The following TTC29 variants were observed in gnomAD, a reference collection of about 807,000 sequenced individuals.
The protein encoded by TTC29 is tetratricopeptide repeat domain 29.
A neutral mutation model predicts 58.1 loss-of-function variants in TTC29; 49 were observed. The observed-to-expected ratio is 0.84, with a 90% confidence interval of 0.67 to 1.07. The LOEUF is 1.07. Ranked by LOEUF, TTC29 falls within the 50% of genes least tolerant of loss-of-function variation. The probability of loss-of-function intolerance (pLI) is 0.00; values close to 1 mark genes in which losing one functional copy is unlikely to be tolerated. For synonymous variants in TTC29, 209 were observed against 196.8 expected (o/e 1.06, Z -0.52); for missense variants, 582 against 555.6 (o/e 1.05, Z -0.48).
At position 146,904,546 on chromosome 4, in the gene TTC29, A is replaced by G. The variant is rs370825311; in HGVS notation, c.401-817T>C. On this transcript the variant is annotated intron_variant, in intron 5 of 12. Transcript: ENST00000325106. ...CCTGAACGAATATGTCTGTGTGTTA[A>G]TAAGTTGTGCCTCAGTCCTGTAAAC... Among the ~76,000 whole-genome samples, 9 of 152,302 alleles carry G rather than the reference A, an allele frequency of 5.9e-5. No individual in the cohort carries two copies. The South Asian group carries it at 8.3e-4, about 14-fold the overall frequency.
intron 8 of TTC29, among the ~76,000 whole-genome samples, chr4:146,863,071 G>C (rs1269450438): frequency 6.7e-6 from 1 of 149,830 alleles, no homozygotes; most frequent in Non-Finnish European, 1.5e-5. Context: ...GCAGGGAACC[G>C]AGATCGTGCC....
At chr4:146,878,173 C>A (rs930811075) in intron 6 of TTC29, among the ~76,000 whole-genome samples, 2 of 152,146 alleles carry the variant, frequency 1.3e-5, no homozygotes, top group African/African-American at 4.8e-5. Flanking sequence ...CAGAAGGCAA[C>A]CTTGGGATGG....
chr4:146,813,871 C>G (rs576883284), intron 10 of TTC29, among the ~76,000 whole-genome samples: 13 of 152,164 alleles, frequency 8.5e-5, no homozygotes, highest in African/African-American at 3.1e-4. Context: ...GTAATCCCAG[C>G]TACTTGGGAG....
At chr4:146,898,544 C>G (rs1355449002) in intron 6 of TTC29, among the ~76,000 whole-genome samples, 1 of 152,194 alleles carries the variant, frequency 6.6e-6, no homozygotes, top group Non-Finnish European at 1.5e-5. Flanking sequence ...TACTCCAACT[C>G]TGTAATAAAG....
At chr4:146,892,286 C>G (rs2150250169) in intron 6 of TTC29, among the ~76,000 whole-genome samples, 1 of 152,270 alleles carries the variant, frequency 6.6e-6, no homozygotes, top group East Asian at 1.9e-4. Context: ...GAGGCCACCA[C>G]AGCCATGCAT....
chr4:146,878,557 T>A (rs1731424479), intron 6 of TTC29, among the ~76,000 whole-genome samples: 1 of 152,152 alleles, frequency 6.6e-6, no homozygotes, highest in Non-Finnish European at 1.5e-5. Context: ...ATGATTAGGA[T>A]TTAAACCCAA....
chr4:146,764,577 A>G (rs776750611), intron 11 of TTC29, among the ~76,000 whole-genome samples: 13 of 152,150 alleles, frequency 8.5e-5, no homozygotes, highest in Non-Finnish European at 1.8e-4. Context: ...GAATCAGTTT[A>G]GGAGCGTACC....
chr4:146,835,778 ACAAT>A (rs1227769337), intron 8 of TTC29, among the ~76,000 whole-genome samples: 1 of 152,142 alleles, frequency 6.6e-6, no homozygotes. Context: ...GCACATGGCA[ACAAT>A]CAGAGGTGCC....
intron 2 of TTC29, chr4:146,942,846 G>A (rs1233647173): frequency 1.6e-5 from 7 of 427,844 alleles, no homozygotes; most frequent in African/African-American, 5.9e-5. Context: ...ATAATTGCAG[G>A]GGTCTTTGAA....
rs924009496 is a variant in TTC29, at chr4:146,818,942, G to C, written c.1101+1183C>G. The stretch of plus-strand genomic sequence containing the variant: ...CACTCTGGGGACTGTTGTGGGGTGG[G>C]GGATGGGGGAGGGATAGCATTAGGA... On this transcript the variant is annotated intron_variant, in intron 10 of 12. Coordinates refer to ENST00000325106, the MANE Select transcript of TTC29 (RefSeq NM_031956.4). Among the ~76,000 whole-genome samples, 4 of 152,018 alleles carry C rather than the reference G, an allele frequency of 2.6e-5. No individual in the cohort carries two copies. The East Asian group carries it at 7.8e-4, about 29-fold the overall frequency.
chr4:146,753,337 C>A (rs1009028831), intron 11 of TTC29, among the ~76,000 whole-genome samples: 8 of 152,144 alleles, frequency 5.3e-5, no homozygotes, highest in African/African-American at 1.9e-4. Flanking sequence ...AAATGCAAAT[C>A]AAAACCACAA....
At chr4:146,714,105 T>C (rs1742745607) in intron 11 of TTC29, among the ~76,000 whole-genome samples, 3 of 152,170 alleles carry the variant, frequency 2.0e-5, no homozygotes. Context: ...GAAACAATGA[T>C]TTTGAAGACA....
chr4:146,912,804 G>A (rs1411700703), intron 4 of TTC29, among the ~76,000 whole-genome samples: 2 of 152,056 alleles, frequency 1.3e-5, no homozygotes, highest in Non-Finnish European at 2.9e-5. Flanking sequence ...GGTGGAACCA[G>A]GGTAAAGCTG....
At chr4:146,709,798 TA>T (rs1742349362) in intron 11 of TTC29, among the ~76,000 whole-genome samples, 1 of 152,100 alleles carries the variant, frequency 6.6e-6, no homozygotes, top group Non-Finnish European at 1.5e-5. Context: ...ATAGAGGAAA[TA>T]AATGACAATA....
At chr4:146,921,858 C>T (rs971779642) in intron 4 of TTC29, among the ~76,000 whole-genome samples, 2 of 150,062 alleles carry the variant, frequency 1.3e-5, no homozygotes, top group African/African-American at 4.9e-5. Context: ...TATACTTATT[C>T]GTCAAAAAAA....
intron 11 of TTC29, among the ~76,000 whole-genome samples, chr4:146,743,504 T>C (rs1181053668): frequency 6.6e-6 from 1 of 152,206 alleles, no homozygotes. Flanking sequence ...GCTCTTTTTT[T>C]TCTTTTATGT....
intron 8 of TTC29, among the ~76,000 whole-genome samples, chr4:146,855,416 G>GT (rs1729782356): frequency 6.6e-6 from 1 of 152,056 alleles, no homozygotes; most frequent in African/African-American, 2.4e-5. Flanking sequence ...CTGGGCGACA[G>GT]TGAGAATCCA....
chr4:146,744,159 T>C (rs1177332553), intron 11 of TTC29, among the ~76,000 whole-genome samples: 1 of 152,196 alleles, frequency 6.6e-6, no homozygotes, highest in African/African-American at 2.4e-5. Flanking sequence ...TCATTTTTAC[T>C]CCAAATGAAG....
At position 146,746,556 on chromosome 4, in the gene TTC29, T is replaced by A. The variant is rs1745561613; in HGVS notation, c.1331-39005A>T. ...GTGGCATATATGCAAACATAAAAAA[T>A]TTTGGTTTACAAGTATTTTCCAGAT... On this transcript the variant is annotated intron_variant, in intron 11 of 12. Coordinates refer to ENST00000325106, the MANE Select transcript of TTC29 (RefSeq NM_031956.4). 2.6e-5 allele frequency among the ~76,000 whole-genome samples: 4 copies of A among 152,154 alleles called. No individual in the cohort carries two copies. The South Asian group carries it at 8.3e-4, about 32-fold the overall frequency.
Sources: allele counts gnomAD v4.1 joint callset (sites outside exome capture counted in the v4.1 genomes callset), GRCh38; gene constraint gnomAD v4.1.1; transcripts MANE v1.5; gene names NCBI Gene and HGNC (gene_info 2026-07-23, HGNC 2026-07-21).